Variants in EHHADH observed in about 807,000 individuals in gnomAD.
The protein encoded by EHHADH is peroxisomal bifunctional enzyme.
A neutral mutation model predicts 64.4 loss-of-function variants in EHHADH; 48 were observed. That is an observed-to-expected ratio of 0.75 (90% CI 0.59 to 0.95). EHHADH has a LOEUF of 0.95. Ranked by LOEUF, EHHADH falls within the 40% of genes least tolerant of loss-of-function variation. EHHADH has a pLI of 0.00. For synonymous variants in EHHADH, 308 were observed against 326.7 expected (o/e 0.94, Z 0.62); for missense variants, 854 against 876.6 (o/e 0.97, Z 0.33).
At chr3:185,249,396 G>A (rs1719684400) in intron 1 of EHHADH, among the ~76,000 whole-genome samples, 1 of 152,110 alleles carries the variant, frequency 6.6e-6, no homozygotes, top group African/African-American at 2.4e-5. Context: ...CCAAAGTGCT[G>A]GGATTACAGG....
In EHHADH at chr3:185,204,495, T is replaced by C; in HGVS notation, c.831A>G (p.Lys277=). Residue 277 remains lysine (K), a synonymous_variant, in exon 6 of 7, where the codon AAA becomes AAG. Transcript: ENST00000231887. ...ALQYAFFAER[K]ANKWSTPSGA... Reference sequence around the variant, plus strand: ...CGGAGGGAGTTGACCACTTATTTGCTTTCCTTTCAGCGAAGAAAGCATATT... The same window carrying C: ...CGGAGGGAGTTGACCACTTATTTGCCTTCCTTTCAGCGAAGAAAGCATATT... 1 of 1,614,164 alleles carries C rather than the reference T, an allele frequency of 6.2e-7. No individual in the cohort carries two copies. The highest frequency in any genetic ancestry group is 2.2e-5 in the East Asian group (1 of 44,874).
intron 6 of EHHADH, among the ~76,000 whole-genome samples, chr3:185,202,949 A>C (rs1718271548): frequency 7.1e-6 from 1 of 141,440 alleles, no homozygotes. Context: ...AGATCTCATA[A>C]TGATACAGGG....
chr3:185,192,645 G>C lies in EHHADH; in HGVS notation c.1753C>G (p.Pro585Ala). 1.9e-6 allele frequency: 3 copies of C among 1,614,138 alleles called. No homozygotes were observed. The highest frequency in any genetic ancestry group is 2.5e-6 in the Non-Finnish European group (3 of 1,180,028). The change falls in exon 7 of 7, where the codon CCA (proline) becomes GCA (alanine). Residue 585 changes from proline to alanine, a missense_variant. Physicochemically the swap from Pro to Ala is conservative, Grantham distance 27 (BLOSUM62 -1). Coordinates refer to ENST00000231887, the MANE Select transcript of EHHADH (RefSeq NM_001966.4). ...TGKGWYQYDK[P>A]LGRIHKPDPW... ...TCAGGTTTGTGAATCCTACCCAATG[G>C]CTTGTCATATTGATACCAACCCTTA...
chr3:185,201,242 G>A (rs1047286450), intron 6 of EHHADH, among the ~76,000 whole-genome samples: 1 of 152,164 alleles, frequency 6.6e-6, no homozygotes, highest in African/African-American at 2.4e-5. Context: ...ATGCTACAAG[G>A]AGGGAATGAT....
At chr3:185,211,654 T>C (rs1294643183) in intron 5 of EHHADH, among the ~76,000 whole-genome samples, 1 of 152,172 alleles carries the variant, frequency 6.6e-6, no homozygotes, top group East Asian at 1.9e-4. Flanking sequence ...ATTAACAGGC[T>C]TCAAGAAGGT....
chr3:185,251,468 T>C (rs1490170463), intron 1 of EHHADH, among the ~76,000 whole-genome samples: 2 of 152,214 alleles, frequency 1.3e-5, no homozygotes, highest in African/African-American at 4.8e-5. Context: ...GTGAAAGCCA[T>C]TGTTCTGGGA....
intron 3 of EHHADH, 21 bp downstream of exon 3, chr3:185,235,269 A>G (rs1414870753): frequency 6.3e-7 from 1 of 1,597,660 alleles, no homozygotes. Flanking sequence ...ACCAGCCACT[A>G]TATAGAGCCT....
intron 6 of EHHADH, among the ~76,000 whole-genome samples, chr3:185,199,814 T>C (rs1160757703): frequency 1.3e-5 from 2 of 152,186 alleles, no homozygotes; most frequent in Non-Finnish European, 2.9e-5. Context: ...GGTGGCATCA[T>C]GGCTTTCTGC....
chr3:185,206,115 G>T lies in EHHADH; in HGVS notation c.569-1358C>A, dbSNP rs1339662727. On this transcript the variant is annotated intron_variant, in intron 5 of 6. Coordinates refer to ENST00000231887, the MANE Select transcript of EHHADH (RefSeq NM_001966.4). ...TTGGAAAGATTCTAGTCCCCTAAGG[G>T]CACTCAGCGAAGGACCACAGTGACA... is the stretch of plus-strand genomic sequence containing the variant. Among the ~76,000 whole-genome samples the T allele has an allele frequency of 2.0e-5, 3 of 152,144 alleles. No individual in the cohort carries two copies. The East Asian group carries it at 5.8e-4, about 29-fold the overall frequency.
intron 2 of EHHADH, among the ~76,000 whole-genome samples, chr3:185,239,234 T>C (rs1385564000): frequency 6.6e-6 from 1 of 152,190 alleles, no homozygotes; most frequent in Non-Finnish European, 1.5e-5. Flanking sequence ...CCCAGCTTTG[T>C]TCTTTTTCTT....
At chr3:185,248,370 G>T in intron 2 of EHHADH, 44 bp downstream of exon 2, 1 of 1,379,514 alleles carries the variant, frequency 7.2e-7, no homozygotes, top group Non-Finnish European at 1.0e-6. Context: ...CTCAGTCTGT[G>T]GCTGGATTCC....
At position 185,216,605 on chromosome 3, in the gene EHHADH, C is replaced by T. The variant is rs779788558; in HGVS notation, c.568+1531G>A. Among the ~76,000 whole-genome samples the T allele has an allele frequency of 1.2e-4, 19 of 152,188 alleles. No individual in the cohort carries two copies. Among genetic ancestry groups the T allele is most frequent in the Non-Finnish European group, 2.6e-4 (18 of 68,032 alleles). On this transcript the variant is annotated intron_variant, in intron 5 of 6. Coordinates refer to ENST00000231887, the MANE Select transcript of EHHADH (RefSeq NM_001966.4). This position sits in a 1 kb window ranked among gnomAD's most constrained non-coding sequence, Gnocchi z 5.3. Reference sequence around the variant, plus strand: ...TTAGGGGTCTCCATTATTTTCTCCCCATCGTTCCTCCCCTCTCCAGTTCAA... The same window carrying T: ...TTAGGGGTCTCCATTATTTTCTCCCTATCGTTCCTCCCCTCTCCAGTTCAA...
intron 2 of EHHADH, among the ~76,000 whole-genome samples, chr3:185,239,538 T>G (rs968403122): frequency 2.0e-5 from 3 of 152,150 alleles, no homozygotes; most frequent in African/African-American, 7.2e-5. Context: ...TATTTTTTTG[T>G]GGCTATTGTA....
At chr3:185,222,503 T>C (rs1016295342) in intron 4 of EHHADH, among the ~76,000 whole-genome samples, 1 of 152,266 alleles carries the variant, frequency 6.6e-6, no homozygotes, top group African/African-American at 2.4e-5. Context: ...AAAATAATTA[T>C]ATAAAAAATT....
chr3:185,214,433 G>A (rs1361471543), intron 5 of EHHADH, among the ~76,000 whole-genome samples: 2 of 152,156 alleles, frequency 1.3e-5, no homozygotes, highest in Non-Finnish European at 2.9e-5. Flanking sequence ...CTCCAGTCCT[G>A]AGCCCATTTC....
chr3:185,250,789 T>G (rs2108654214), intron 1 of EHHADH, among the ~76,000 whole-genome samples: 1 of 152,320 alleles, frequency 6.6e-6, no homozygotes, highest in Admixed American at 6.5e-5. Context: ...GCTGGTTAAT[T>G]AGAAGCCAAA....
chr3:185,224,345 CA>C (rs1718915121), intron 4 of EHHADH, among the ~76,000 whole-genome samples: 1 of 151,032 alleles, frequency 6.6e-6, no homozygotes, highest in Non-Finnish European at 1.5e-5. Context: ...ACTAAAAATA[CA>C]AAAAATTAGC....
intron 2 of EHHADH, 77 bp downstream of exon 2, chr3:185,248,337 A>G: frequency 9.6e-7 from 1 of 1,038,334 alleles, no homozygotes; most frequent in Non-Finnish European, 1.5e-6. Flanking sequence ...ATTACCAACA[A>G]GCACAGCTAA....
intron 2 of EHHADH, among the ~76,000 whole-genome samples, chr3:185,243,679 C>G (rs1365517476): frequency 3.3e-5 from 5 of 152,030 alleles, no homozygotes; most frequent in African/African-American, 4.8e-5. Flanking sequence ...ACTTTTATTC[C>G]ACTATAATAT....
Sources: gnomAD v4.1 joint callset for allele counts (sites outside exome capture counted in the v4.1 genomes callset) on GRCh38, gnomAD v4.1.1 for gene constraint, Gnocchi (gnomAD v3.1) non-coding constraint, MANE v1.5 for transcripts, NCBI Gene and HGNC (gene_info 2026-07-23, HGNC 2026-07-21) for gene names.